The following AGBL1 variants were observed in gnomAD, a reference collection of about 807,000 sequenced individuals.
The protein encoded by AGBL1 is cytosolic carboxypeptidase 4.
Under a neutral mutation model 118.9 loss-of-function variants are expected in AGBL1, and 130 were observed. The ratio of observed to expected loss-of-function variants is 1.09; its 90% CI spans 0.95 to 1.26. AGBL1 has a LOEUF of 1.26. Among genes scored for constraint, AGBL1 ranks in the 50% most tolerant of loss-of-function variants. AGBL1 has a pLI of 0.00. For missense variants in AGBL1, 1,584 were observed against 1,298.1 expected, an observed-to-expected ratio of 1.22 and a Z score of -3.38; for synonymous variants, 555 against 478.9, an observed-to-expected ratio of 1.16 and a Z score of -2.08.
At chr15:86,212,039 G>T (rs560969369) in intron 5 of AGBL1, among the ~76,000 whole-genome samples, 7 of 152,288 alleles carry the variant, frequency 4.6e-5, no homozygotes, top group African/African-American at 1.7e-4. Context: ...TTAAAAAAAG[G>T]CTTGTCTTTG....
rs201585712 is a variant in AGBL1 at position 86,341,421 on chromosome 15, C to T, written c.2374+46013C>T. ...ACCTACCCTGAGGTCATTCTTGGGT[C>T]CTGAGTTTCTGAGCTGGTCCACCTT... On this transcript the variant is annotated intron_variant, in intron 17 of 22. Coordinates refer to ENST00000614907, the MANE Select transcript of AGBL1 (RefSeq NM_001386094.1). Among the ~76,000 whole-genome samples, 5 of 152,208 alleles carry T rather than the reference C, an allele frequency of 3.3e-5. No homozygotes were observed. The East Asian group carries it at 7.7e-4, about 24-fold the overall frequency.
chr15:86,900,011 C>T (rs1046788307), intron 22 of AGBL1, among the ~76,000 whole-genome samples: 1 of 152,084 alleles, frequency 6.6e-6, no homozygotes, highest in Non-Finnish European at 1.5e-5. Flanking sequence ...AGTCTTCTGG[C>T]CTTCATCTTT....
At chr15:86,937,900 A>T (rs1320011033) in intron 23 of AGBL1, among the ~76,000 whole-genome samples, 1 of 152,236 alleles carries the variant, frequency 6.6e-6, no homozygotes, top group African/African-American at 2.4e-5. Flanking sequence ...TACAGCCTGG[A>T]CGTAAAGCAT....
intron 1 of AGBL1, among the ~76,000 whole-genome samples, chr15:86,111,687 G>C (rs752421725): frequency 1.3e-5 from 2 of 152,158 alleles, no homozygotes; most frequent in Non-Finnish European, 2.9e-5. Flanking sequence ...GTATCAAAAG[G>C]CATGCTCTTA....
At chr15:86,781,865 C>G (rs768586313) in intron 22 of AGBL1, among the ~76,000 whole-genome samples, 34 of 149,854 alleles carry the variant, frequency 2.3e-4, no homozygotes, top group Non-Finnish European at 3.7e-4. Flanking sequence ...CTGGGAAGAA[C>G]AAGCATGAGA....
chr15:86,501,000 C>T (rs2082911623), intron 18 of AGBL1, among the ~76,000 whole-genome samples: 1 of 151,640 alleles, frequency 6.6e-6, no homozygotes, highest in African/African-American at 2.4e-5. Context: ...TTTTAGTTCT[C>T]TTGGATATAT....
intron 18 of AGBL1, among the ~76,000 whole-genome samples, chr15:86,465,055 TTTG>T (rs1207787420): frequency 3.3e-5 from 5 of 152,102 alleles, no homozygotes; most frequent in African/African-American, 9.7e-5. Context: ...AAATGTAGGT[TTTG>T]TTGTTGTGGG....
chr15:86,295,688 G>A (rs1233063409), intron 17 of AGBL1: 1 of 246,946 alleles, frequency 4.0e-6, no homozygotes, highest in Non-Finnish European at 7.8e-6. Flanking sequence ...AACAGAACCA[G>A]GACCCTGAAT....
chr15:87,018,132 G>A (rs919586546), intron 24 of AGBL1, among the ~76,000 whole-genome samples: 2 of 133,958 alleles, frequency 1.5e-5, no homozygotes, highest in African/African-American at 8.2e-5. Context: ...TAAAGACACT[G>A]TGCCTACAAT....
intron 6 of AGBL1, among the ~76,000 whole-genome samples, chr15:86,225,575 G>A (rs2078348630): frequency 6.6e-6 from 1 of 152,234 alleles, no homozygotes; most frequent in East Asian, 1.9e-4. Flanking sequence ...TTTTTGCCTG[G>A]TAGCCCTGGC....
intron 19 of AGBL1, among the ~76,000 whole-genome samples, chr15:86,543,244 G>T (rs1344285403): frequency 6.7e-6 from 1 of 148,478 alleles, no homozygotes; most frequent in African/African-American, 2.4e-5. Context: ...AGTCTACCTT[G>T]AGATAACATA....
At chr15:86,786,264 A>T (rs1343342539) in intron 22 of AGBL1, among the ~76,000 whole-genome samples, 1 of 151,530 alleles carries the variant, frequency 6.6e-6, no homozygotes, top group African/African-American at 2.4e-5. Flanking sequence ...CCTTCCCCCG[A>T]CCCCACAACA....
chr15:86,194,108 C>T (rs929838549), intron 5 of AGBL1, among the ~76,000 whole-genome samples: 4 of 152,174 alleles, frequency 2.6e-5, no homozygotes, highest in Admixed American at 1.3e-4. Context: ...CCTGTTGGAA[C>T]GACTCATTTT....
intron 23 of AGBL1, among the ~76,000 whole-genome samples, chr15:86,931,298 C>T (rs564359849): frequency 2.6e-5 from 4 of 152,318 alleles, no homozygotes; most frequent in African/African-American, 9.6e-5. Flanking sequence ...CTTCCGCTTC[C>T]CTGAAATTTA....
chr15:86,722,949 A>T lies in AGBL1; in HGVS notation c.3158+48513A>T, dbSNP rs188230498. Among the ~76,000 whole-genome samples the T allele has an allele frequency of 4.6e-3, 706 of 152,346 alleles. 6 individuals carry two copies. Among genetic ancestry groups the T allele is most frequent in the Middle Eastern group, 0.02 (6 of 294 alleles). On this transcript the variant is annotated intron_variant, in intron 22 of 22. Transcript: ENST00000614907. ...CAGAGAAATGCAAATCAAAACCACA[A>T]TGAGATACCATCTCCCACCAGTTAG...
intron 23 of AGBL1, among the ~76,000 whole-genome samples, chr15:86,955,233 T>A (rs1305232234): frequency 6.6e-6 from 1 of 152,134 alleles, no homozygotes; most frequent in Non-Finnish European, 1.5e-5. Flanking sequence ...ATAAATGTTA[T>A]TAAATATTCA....
At chr15:86,834,318 G>A (rs368561118) in intron 22 of AGBL1, among the ~76,000 whole-genome samples, 23 of 152,284 alleles carry the variant, frequency 1.5e-4, no homozygotes, top group African/African-American at 5.5e-4. Context: ...CCAGCTCAGT[G>A]TGCAAGAAAT....
chr15:86,556,705 G>A (rs2083739240), intron 21 of AGBL1, among the ~76,000 whole-genome samples: 1 of 152,166 alleles, frequency 6.6e-6, no homozygotes, highest in Non-Finnish European at 1.5e-5. Flanking sequence ...TTTGTACATT[G>A]GGAAGCTGAG....
chr15:86,919,197 C>A (rs1163519925), downstream of AGBL1, among the ~76,000 whole-genome samples: 1 of 152,132 alleles, frequency 6.6e-6, no homozygotes, highest in East Asian at 1.9e-4. Flanking sequence ...TGACTTCAAC[C>A]TAAAAATTAA....
Sources: allele counts gnomAD v4.1 joint callset (sites outside exome capture counted in the v4.1 genomes callset), GRCh38; gene constraint gnomAD v4.1.1; transcripts MANE v1.5; gene names NCBI Gene and HGNC (gene_info 2026-07-23, HGNC 2026-07-21).